Variants in BICD1 observed in about 807,000 individuals in gnomAD.
BICD1 encodes BICD cargo adaptor 1, also known as protein bicaudal D homolog 1.
BICD1 carries 35 observed loss-of-function variants against 92.5 expected under a neutral mutation model. The ratio of observed to expected loss-of-function variants is 0.38; its 90% confidence interval spans 0.29 to 0.50. The LOEUF is 0.50. Among genes scored for constraint, BICD1 ranks in the 20% least tolerant of loss-of-function variants. BICD1 has a pLI of 0.93. For synonymous variants in BICD1, 429 were observed against 465.1 expected (o/e 0.92, Z 1.00); for missense variants, 950 against 1,189.8 (o/e 0.80, Z 2.97).
chr12:32,116,195 A>T (rs899609642), intron 1 of BICD1, among the ~76,000 whole-genome samples: 2 of 152,086 alleles, frequency 1.3e-5, no homozygotes, highest in Non-Finnish European at 2.9e-5. Flanking sequence ...TAAATCTCTG[A>T]GATGGCTGTG....
chr12:32,133,843 A>G (rs1942640237), intron 1 of BICD1, among the ~76,000 whole-genome samples: 1 of 146,074 alleles, frequency 6.8e-6, no homozygotes, highest in Non-Finnish European at 1.5e-5. Context: ...GTGCAGTGGT[A>G]CGATCTCTGA....
chr12:32,229,764 G>A (rs1272039284), intron 2 of BICD1, among the ~76,000 whole-genome samples: 7 of 152,140 alleles, frequency 4.6e-5, no homozygotes, highest in Admixed American at 4.6e-4. Context: ...GGGACGAGAT[G>A]GGCTCACGTG....
intron 1 of BICD1, among the ~76,000 whole-genome samples, chr12:32,138,810 TCTC>T (rs1942812860): frequency 6.6e-6 from 1 of 152,228 alleles, no homozygotes. Context: ...TAGGACATAA[TCTC>T]ATCATCAGTT....
At chr12:32,228,080 G>A (rs1945758963) in intron 2 of BICD1, 1 of 236,366 alleles carries the variant, frequency 4.2e-6, no homozygotes, top group Non-Finnish European at 9.1e-6. Context: ...GTTCCACATG[G>A]ACGTAGGACA....
chr12:32,270,815 C>G (rs1370947052), intron 2 of BICD1, among the ~76,000 whole-genome samples: 5 of 152,146 alleles, frequency 3.3e-5, no homozygotes, highest in African/African-American at 7.2e-5. Context: ...TCAGGGCAGG[C>G]AAAAATACAT....
Position 32,305,733 on chromosome 12 carries a change from T to G in BICD1, c.616T>G (p.Phe206Val). Residue 206 changes from phenylalanine to valine, a missense_variant, in exon 4 of 10, where the codon TTT becomes GTT. Phe to Val is a conservative substitution (Grantham distance 50, BLOSUM62 -1). Transcript: ENST00000652176. ...AGGCTTAAAGCATGAGATTAAGCGA[T>G]TTGAGGAGGAGACGGTACTGCTGAA... ...YEGLKHEIKRFEEETVLLNSQ... is the reference protein window; with the variant it reads ...YEGLKHEIKRVEEETVLLNSQ... The G allele has an allele frequency of 6.2e-7, 1 of 1,613,772 alleles. No homozygotes were observed. Among genetic ancestry groups the G allele is most frequent in the Non-Finnish European group, 8.5e-7 (1 of 1,179,932 alleles).
chr12:32,330,168 T>C (rs1399825323), intron 5 of BICD1, among the ~76,000 whole-genome samples: 2 of 152,200 alleles, frequency 1.3e-5, no homozygotes, highest in Non-Finnish European at 2.9e-5. Flanking sequence ...TTTATATAAT[T>C]GACATCTATA....
chr12:32,309,709 C>T (rs369496684), intron 4 of BICD1, among the ~76,000 whole-genome samples: 3 of 152,104 alleles, frequency 2.0e-5, no homozygotes, highest in South Asian at 2.1e-4. Flanking sequence ...TCCTGTTGGG[C>T]GGCTGTCAGT....
At chr12:32,296,443 G>C (rs961162848) in intron 3 of BICD1, among the ~76,000 whole-genome samples, 1 of 151,718 alleles carries the variant, frequency 6.6e-6, no homozygotes, top group Non-Finnish European at 1.5e-5. Context: ...ATTTTTAGTA[G>C]AGATGGGGTT....
intron 2 of BICD1, among the ~76,000 whole-genome samples, chr12:32,234,667 C>T (rs978773982): frequency 3.6e-5 from 5 of 138,486 alleles, no homozygotes; most frequent in Admixed American, 7.1e-5. Context: ...CTTTTTTTTT[C>T]TTTCTTTTTT....
At chr12:32,345,049 G>A (rs1008329569) in intron 8 of BICD1, among the ~76,000 whole-genome samples, 3 of 152,156 alleles carry the variant, frequency 2.0e-5, no homozygotes, top group Non-Finnish European at 2.9e-5. Context: ...CACTTCGGGA[G>A]GCCAAAGCAG....
chr12:32,209,836 C>T (rs1186350059), intron 1 of BICD1, among the ~76,000 whole-genome samples: 1 of 152,164 alleles, frequency 6.6e-6, no homozygotes, highest in Non-Finnish European at 1.5e-5. Flanking sequence ...ATCTGGGTTG[C>T]CCTCTATCCC....
chr12:32,268,560 C>G (rs1035647374), intron 2 of BICD1, among the ~76,000 whole-genome samples: 3 of 152,124 alleles, frequency 2.0e-5, no homozygotes, highest in African/African-American at 7.2e-5. Flanking sequence ...CTTTGGGAGG[C>G]CAAGGCAGGT....
chr12:32,168,034 G>GTGTGTA (rs1227014692), intron 1 of BICD1, among the ~76,000 whole-genome samples: 1 of 151,824 alleles, frequency 6.6e-6, no homozygotes, highest in Non-Finnish European at 1.5e-5. Flanking sequence ...GTGTGTGTGT[G>GTGTGTA]TGTATACTTG....
At chr12:32,146,928 T>TTCC (rs1292718392) in intron 1 of BICD1, among the ~76,000 whole-genome samples, 1 of 148,836 alleles carries the variant, frequency 6.7e-6, no homozygotes, top group Non-Finnish European at 1.5e-5. Context: ...TTCTTCCTCC[T>TTCC]TCCTCCTCCT....
chr12:32,144,186 A>G (rs1482864710), intron 1 of BICD1, among the ~76,000 whole-genome samples: 2 of 152,098 alleles, frequency 1.3e-5, no homozygotes, highest in South Asian at 2.1e-4. Flanking sequence ...ATTTTTCCCT[A>G]TGTAGGGAAG....
chr12:32,311,840 C>T (rs1002791619), intron 4 of BICD1, among the ~76,000 whole-genome samples: 12 of 152,290 alleles, frequency 7.9e-5, no homozygotes, highest in African/African-American at 2.9e-4. Flanking sequence ...AGGGGATTCT[C>T]TACAGAATGT....
At chr12:32,289,247 G>A (rs1356324799) in intron 2 of BICD1, among the ~76,000 whole-genome samples, 1 of 152,210 alleles carries the variant, frequency 6.6e-6, no homozygotes, top group Admixed American at 6.5e-5. Context: ...CCCACAGAGT[G>A]TGAAAGTAGG....
intron 2 of BICD1, among the ~76,000 whole-genome samples, chr12:32,241,704 A>G (rs118005264): frequency 2.1e-3 from 327 of 152,272 alleles, no homozygotes; most frequent in Non-Finnish European, 3.6e-3. Flanking sequence ...ATGAAGTATA[A>G]CTAGAGTTAG....
Sources: allele counts gnomAD v4.1 joint callset (sites outside exome capture counted in the v4.1 genomes callset), GRCh38; gene constraint gnomAD v4.1.1; transcripts MANE v1.5; gene names NCBI Gene and HGNC (gene_info 2026-07-23, HGNC 2026-07-21).